The following LILRB1 variants were observed in gnomAD, a reference collection of about 807,000 sequenced individuals.
The protein encoded by LILRB1 is leukocyte immunoglobulin-like receptor subfamily B member 1.
In LILRB1, 59 loss-of-function variants were observed where a neutral mutation model predicts 74.6. The ratio of observed to expected loss-of-function variants is 0.79; its 90% CI spans 0.64 to 0.98. The LOEUF (loss-of-function observed/expected upper bound fraction) is 0.98. Among genes scored for constraint, LILRB1 ranks in the 50% least tolerant of loss-of-function variants. The pLI is 0.00. For missense variants in LILRB1, 804 were observed against 822.6 expected (o/e 0.98, Z 0.28); for synonymous variants, 328 against 333.9 (o/e 0.98, Z 0.19).
At chr19:54,631,226 C>T (rs750758182) in intron 2 of LILRB1, 45 bp from the exon 3 acceptor site, 2 of 1,614,078 alleles carry the variant, frequency 1.2e-6, no homozygotes, top group South Asian at 2.2e-5. Flanking sequence ...GGAGGACCTG[C>T]CCAGGCTTCA....
upstream of LILRB1, among the ~76,000 whole-genome samples, chr19:54,616,609 T>C (rs1421958536): frequency 2.0e-5 from 3 of 152,162 alleles, no homozygotes; most frequent in Non-Finnish European, 4.4e-5. Context: ...TTATTTATTC[T>C]GATCTACTAT....
intron 1 of LILRB1, 97 bp from the exon 2 acceptor site, chr19:54,630,929 G>T: frequency 6.2e-7 from 1 of 1,601,136 alleles, no homozygotes; most frequent in South Asian, 1.1e-5. Context: ...GGGGAGGGCA[G>T]TTCCACTTCC....
intron 12 of LILRB1, 88 bp from the exon 13 acceptor site, chr19:54,635,469 C>A (rs1445175236): frequency 2.6e-6 from 4 of 1,542,690 alleles, no homozygotes; most frequent in Non-Finnish European, 3.5e-6. Flanking sequence ...TCTCAGTGGC[C>A]CCATCTGGGA....
upstream of LILRB1, among the ~76,000 whole-genome samples, chr19:54,627,027 G>A (rs2063610885): frequency 6.6e-6 from 1 of 152,180 alleles, no homozygotes; most frequent in Admixed American, 6.5e-5. Flanking sequence ...AGCTATCCCA[G>A]GGTCTGTCCA....
chr19:54,636,373 G>A, intron 13 of LILRB1, 121 bp from the exon 14 acceptor site: 1 of 1,530,394 alleles, frequency 6.5e-7, no homozygotes, highest in East Asian at 2.3e-5. Context: ...ACGGCCTTAG[G>A]GCGTCCCTGA....
At chr19:54,629,082 C>T (rs549212266), upstream of LILRB1, among the ~76,000 whole-genome samples, 18 of 152,320 alleles carry the variant, frequency 1.2e-4, no homozygotes, top group Admixed American at 8.5e-4. Flanking sequence ...ATCCAGACAA[C>T]CCTGGAGCAA....
At chr19:54,622,033 C>T (rs2063471199) in intron 1 of LILRB1, among the ~76,000 whole-genome samples, 1 of 152,072 alleles carries the variant, frequency 6.6e-6, no homozygotes, top group Admixed American at 6.5e-5. Context: ...CTATTCTGTT[C>T]CCTTGATGTC....
In LILRB1 at chr19:54,633,703, C is replaced by T. The variant is rs1201246767; in HGVS notation, c.1312+15C>T. 2 of 1,612,302 alleles carry T rather than the reference C, an allele frequency of 1.2e-6. No individual in the cohort carries two copies. Among genetic ancestry groups the T allele is most frequent in the African/African-American group, 2.7e-5 (2 of 74,772 alleles). On this transcript the variant is annotated intron_variant, in intron 8 of 14. Transcript: ENST00000324602. ...CTCCACATCTGGTGAGTCCCTGAGG[C>T]TTCTGAACTCAAGGGAGTGCGGCCT...
chr19:54,623,500 G>T (rs1368867344), intron 1 of LILRB1, among the ~76,000 whole-genome samples: 3 of 152,158 alleles, frequency 2.0e-5, no homozygotes, highest in Admixed American at 6.5e-5. Context: ...GGCGTTGGTT[G>T]TAATGTCAAC....
rs979286427 is a variant in LILRB1 at position 54,636,748 on chromosome 19, C to T, written c.1829C>T (p.Ala610Val). 1.4e-5 allele frequency: 22 copies of T among 1,610,714 alleles called. No individual in the cohort carries two copies. In the African/African-American group the frequency reaches 2.0e-4, roughly 15 times the overall value. Residue 610 changes from alanine (A) to valine (V), a missense_variant, in exon 15 of 15, where the codon GCC (alanine) becomes GTC (valine). Coordinates refer to ENST00000324602, the MANE Select transcript of LILRB1 (RefSeq NM_001081637.3). ...CCGCTGCAGGCTGCTGCATCTGAAGCCCCCCAGGATGTGACCTACGCCCAG... is the reference window on the plus strand; with the variant it reads ...CCGCTGCAGGCTGCTGCATCTGAAGTCCCCCAGGATGTGACCTACGCCCAG... ...QMDTEAAASE[A>V]PQDVTYAQLH...
intron 1 of LILRB1, among the ~76,000 whole-genome samples, chr19:54,617,591 T>TG (rs927430315): frequency 3.7e-5 from 5 of 133,432 alleles, no homozygotes; most frequent in South Asian, 2.5e-4. Flanking sequence ...GTGTGTGTGG[T>TG]GTGTGTGTGT....
chr19:54,627,014 G>T (rs77400863), upstream of LILRB1, among the ~76,000 whole-genome samples: 205 of 151,706 alleles, frequency 1.4e-3, no homozygotes, highest in South Asian at 0.026. Flanking sequence ...GGTCACTGAG[G>T]GGAGCTATCC....
intron 1 of LILRB1, among the ~76,000 whole-genome samples, chr19:54,621,058 G>A (rs1237655288): frequency 6.6e-6 from 1 of 151,870 alleles, no homozygotes; most frequent in Non-Finnish European, 1.5e-5. Context: ...ATTTTTAGTA[G>A]AGACAGGGTT....
intron 1 of LILRB1, among the ~76,000 whole-genome samples, chr19:54,624,906 G>A (rs951169872): frequency 2.7e-5 from 4 of 149,258 alleles, no homozygotes; most frequent in African/African-American, 4.9e-5. Flanking sequence ...GTCCAGGTGG[G>A]GGCAGGGTGG....
chr19:54,627,660 G>A (rs576825538), upstream of LILRB1, among the ~76,000 whole-genome samples: 8 of 152,324 alleles, frequency 5.3e-5, no homozygotes, highest in South Asian at 1.7e-3. Flanking sequence ...TGAACCTCTG[G>A]AATCAGGGAA....
chr19:54,631,861 C>G, intron 4 of LILRB1, 74 bp downstream of exon 4: 25 of 1,606,284 alleles, frequency 1.6e-5, no homozygotes, highest in Non-Finnish European at 2.1e-5. Flanking sequence ...GGGCTTCTCC[C>G]TCTCACAGCC....
chr19:54,632,612 C>G lies in LILRB1; in HGVS notation c.810C>G (p.Gly270=), dbSNP rs372648620. ...DGERDFLQLA[G]AQPQAGLSQA... is the part of the protein sequence containing the mutation. ...AACGTGACTTCCTTCAGCTCGCTGG[C>G]GCACAGCCCCAGGCTGGGCTCTCCC... Residue 270 remains glycine, a synonymous_variant, in exon 6 of 15, where the codon GGC becomes GGG. Coordinates refer to ENST00000324602, the MANE Select transcript of LILRB1 (RefSeq NM_001081637.3). 1 of 1,614,004 alleles carries G rather than the reference C, an allele frequency of 6.2e-7. No individual in the cohort carries two copies. Among genetic ancestry groups the G allele is most frequent in the African/African-American group, 1.3e-5 (1 of 74,918 alleles).
chr19:54,633,130 C>T lies in LILRB1; in HGVS notation c.1073C>T (p.Thr358Ile), dbSNP rs1215162310. ...GGATGGATGCAAACTTTCCTTCTGA[C>T]CAAGGAGGGGGCAGCTGATGACCCA... Reference protein sequence around the residue: ...SQGWMQTFLLTKEGAADDPWR... With the variant: ...SQGWMQTFLLIKEGAADDPWR... Residue 358 changes from threonine to isoleucine, a missense_variant, in exon 7 of 15, where the codon ACC (threonine) becomes ATC (isoleucine). Thr to Ile is a moderately conservative substitution (Grantham distance 89, BLOSUM62 -1). Coordinates refer to ENST00000324602, the MANE Select transcript of LILRB1 (RefSeq NM_001081637.3). 2 of 1,614,260 alleles carry T rather than the reference C, an allele frequency of 1.2e-6. No homozygotes were observed. The highest frequency in any genetic ancestry group is 1.1e-5 in the South Asian group (1 of 91,090).
upstream of LILRB1, among the ~76,000 whole-genome samples, chr19:54,626,712 C>T (rs2063599345): frequency 6.6e-6 from 1 of 152,132 alleles, no homozygotes; most frequent in African/African-American, 2.4e-5. Flanking sequence ...CTGTAATGGA[C>T]TTTTTGATTT....
Sources: allele counts gnomAD v4.1 joint callset (sites outside exome capture counted in the v4.1 genomes callset), GRCh38; gene constraint gnomAD v4.1.1; transcripts MANE v1.5; gene names NCBI Gene and HGNC (gene_info 2026-07-23, HGNC 2026-07-21).